Variants in TCF4 observed in about 807,000 individuals in gnomAD.
The protein encoded by TCF4 is transcription factor 4.
A neutral mutation model predicts 82.1 loss-of-function variants in TCF4; 3 were observed. The ratio of observed to expected loss-of-function variants is 0.04; its 90% CI spans 0.02 to 0.09. The LOEUF is 0.09. TCF4 is among the 10% of genes least tolerant of loss of function. The pLI, the probability that TCF4 is intolerant of heterozygous loss-of-function variation, is 1.00. For synonymous variants in TCF4, 276 were observed against 309.6 expected, an observed-to-expected ratio of 0.89 and a Z score of 1.14; for missense variants, 518 against 852.7, an observed-to-expected ratio of 0.61 and a Z score of 4.89.
chr18:55,510,179 G>T (rs1445720851), intron 3 of TCF4, among the ~76,000 whole-genome samples: 3 of 152,028 alleles, frequency 2.0e-5, no homozygotes, highest in Admixed American at 2.0e-4. Flanking sequence ...CAAGGTTAAA[G>T]GTGCACATTC....
At chr18:55,503,060 C>A (rs932954661) in intron 3 of TCF4, among the ~76,000 whole-genome samples, 1 of 152,154 alleles carries the variant, frequency 6.6e-6, no homozygotes, top group Non-Finnish European at 1.5e-5. Context: ...TTCTAAATGT[C>A]TCTTTTTGGA....
intron 8 of TCF4, among the ~76,000 whole-genome samples, chr18:55,347,351 A>G (rs539333839): frequency 6.6e-6 from 1 of 152,154 alleles, no homozygotes; most frequent in East Asian, 1.9e-4. Context: ...TAAAAAAAAA[A>G]TCACCTTAGC....
At chr18:55,305,283 A>G (rs1343753025) in intron 8 of TCF4, among the ~76,000 whole-genome samples, 1 of 152,152 alleles carries the variant, frequency 6.6e-6, no homozygotes, top group Non-Finnish European at 1.5e-5. Flanking sequence ...AACTGGTAAA[A>G]TTTTTAATTT....
intron 3 of TCF4, among the ~76,000 whole-genome samples, chr18:55,525,439 A>T (rs1027341788): frequency 6.6e-6 from 1 of 152,184 alleles, no homozygotes; most frequent in African/African-American, 2.4e-5. Flanking sequence ...AGTAGTAGAG[A>T]AAAGTAAATT....
In TCF4 at chr18:55,321,913, C is replaced by T. The variant is rs1054664335; in HGVS notation, c.549+28446G>A. The T allele has an allele frequency of 2.9e-6, 4 of 1,398,050 alleles. No homozygotes were observed. In the Admixed American group the frequency reaches 8.8e-5, roughly 31 times the overall value. 86.6% of individuals were successfully genotyped at this position (1,398,050 alleles called of 1,614,324 possible). On this transcript the variant is annotated intron_variant, in intron 8 of 19. Transcript: ENST00000354452. Reference sequence around the variant, plus strand: ...CTGGCGGGCGGGGGAGGCCGCGGCGCTGCTGTCAGACGCTCAACTTTGCGC... The same window carrying T: ...CTGGCGGGCGGGGGAGGCCGCGGCGTTGCTGTCAGACGCTCAACTTTGCGC...
chr18:55,563,753 G>A (rs1375500521), intron 3 of TCF4, among the ~76,000 whole-genome samples: 2 of 152,204 alleles, frequency 1.3e-5, no homozygotes, highest in Non-Finnish European at 2.9e-5. Flanking sequence ...GGTGCTCAGT[G>A]AATGTCAGTT....
At chr18:55,365,409 C>G (rs150554795) in intron 6 of TCF4, among the ~76,000 whole-genome samples, 1 of 151,534 alleles carries the variant, frequency 6.6e-6, no homozygotes, top group African/African-American at 2.4e-5. Flanking sequence ...TGGATAAATG[C>G]CTGCATTGCT....
chr18:55,250,489 G>A (rs955343630), intron 15 of TCF4, among the ~76,000 whole-genome samples: 1 of 152,186 alleles, frequency 6.6e-6, no homozygotes, highest in Non-Finnish European at 1.5e-5. Flanking sequence ...ATGCCTGGTA[G>A]TAAAAAAGAG....
At chr18:55,405,575 C>T (rs1316552597) in intron 5 of TCF4, among the ~76,000 whole-genome samples, 2 of 152,162 alleles carry the variant, frequency 1.3e-5, no homozygotes, top group African/African-American at 4.8e-5. Flanking sequence ...AACTTGACTC[C>T]AACACACAGA....
At position 55,225,433 on chromosome 18, in the gene TCF4, A is replaced by G. The variant is rs1474537113; in HGVS notation, c.*2602T>C. 6.6e-6 allele frequency: 1 copy of G among 152,628 alleles called. No homozygotes were observed. Among genetic ancestry groups the G allele is most frequent in the Admixed American group, 6.5e-5 (1 of 15,282 alleles). The allele number at this position is 152,628 out of a possible 1,614,324, so 9.5% of individuals were successfully genotyped here. A position where few individuals can be genotyped will look rare whatever the true frequency, so the allele number is the denominator to read the frequency against. ...ATGTATCAAAAGTGCCATTCTTAAA[A>G]TGTACATCAATGCAGGGAGTGTTTC... On this transcript the variant is annotated 3_prime_UTR_variant, in exon 20 of 20. Transcript: ENST00000354452.
chr18:55,309,278 ATTT>A (rs5825134), intron 8 of TCF4, among the ~76,000 whole-genome samples: 1 of 144,894 alleles, frequency 6.9e-6, no homozygotes. Flanking sequence ...TGCCTGGCTA[ATTT>A]TTTTTTTTTT....
At chr18:55,400,623 A>T (rs1470394593) in intron 6 of TCF4, among the ~76,000 whole-genome samples, 1 of 152,176 alleles carries the variant, frequency 6.6e-6, no homozygotes, top group African/African-American at 2.4e-5. Flanking sequence ...ATATCCATTT[A>T]AAAAAGCGTC....
intron 6 of TCF4, among the ~76,000 whole-genome samples, chr18:55,358,964 A>T (rs1298865014): frequency 2.0e-5 from 3 of 152,250 alleles, no homozygotes; most frequent in Non-Finnish European, 4.4e-5. Context: ...TGTAAGGAGT[A>T]TATTTAAATA....
intron 8 of TCF4, among the ~76,000 whole-genome samples, chr18:55,306,980 T>A (rs1027488599): frequency 1.3e-5 from 2 of 152,340 alleles, no homozygotes; most frequent in South Asian, 4.1e-4. Context: ...AAGCTCATTA[T>A]AATTAGGAAC....
At chr18:55,469,183 G>T (rs1197522338) in intron 3 of TCF4, among the ~76,000 whole-genome samples, 1 of 152,154 alleles carries the variant, frequency 6.6e-6, no homozygotes, top group Non-Finnish European at 1.5e-5. Flanking sequence ...TGACACATTG[G>T]TCGGGTGCAA....
chr18:55,314,802 T>C (rs2073656065), intron 8 of TCF4, among the ~76,000 whole-genome samples: 1 of 152,056 alleles, frequency 6.6e-6, no homozygotes, highest in Non-Finnish European at 1.5e-5. Flanking sequence ...AATAGGACTG[T>C]GGTTGGTAAA....
At chr18:55,546,807 C>A (rs574926072) in intron 3 of TCF4, 4 of 152,170 alleles carry the variant, frequency 2.6e-5, no homozygotes, top group Non-Finnish European at 4.4e-5. Flanking sequence ...ACAGGCTTTA[C>A]GTTAACAGAC....
intron 3 of TCF4, among the ~76,000 whole-genome samples, chr18:55,506,816 G>C (rs1194474769): frequency 1.3e-5 from 2 of 151,560 alleles, no homozygotes; most frequent in African/African-American, 4.8e-5. Flanking sequence ...GAGTAACATA[G>C]AACAATTATA....
At chr18:55,446,629 G>A (rs1310244338) in intron 5 of TCF4, among the ~76,000 whole-genome samples, 4 of 152,186 alleles carry the variant, frequency 2.6e-5, no homozygotes, top group African/African-American at 9.6e-5. Flanking sequence ...TTATTATAAG[G>A]AGCAAGCAGG....
Sources: gnomAD v4.1 joint callset for allele counts (sites outside exome capture counted in the v4.1 genomes callset) on GRCh38, gnomAD v4.1.1 for gene constraint, MANE v1.5 for transcripts, NCBI Gene and HGNC (gene_info 2026-07-23, HGNC 2026-07-21) for gene names.